LRRC4C: variants seen among roughly 807,000 people sequenced by gnomAD.
LRRC4C encodes the protein leucine-rich repeat-containing protein 4C.
In LRRC4C, 5 loss-of-function variants were observed where a neutral mutation model predicts 33.6. That is an observed-to-expected ratio of 0.15 (90% CI 0.08 to 0.31). The LOEUF (loss-of-function observed/expected upper bound fraction) is 0.31. Among genes scored for constraint, LRRC4C ranks in the 10% least tolerant of loss-of-function variants. LRRC4C has a pLI of 1.00. For missense variants in LRRC4C, 560 were observed against 796.7 expected, an observed-to-expected ratio of 0.70 and a Z score of 3.58; for synonymous variants, 329 against 302.0, an observed-to-expected ratio of 1.09 and a Z score of -0.93.
intron 1 of LRRC4C, among the ~76,000 whole-genome samples, chr11:41,012,829 C>T (rs116489347): frequency 7.8e-4 from 118 of 152,042 alleles, no homozygotes; most frequent in African/African-American, 2.8e-3. Flanking sequence ...GGCATTTCTC[C>T]GATGATTTGT....
intron 5 of LRRC4C, among the ~76,000 whole-genome samples, chr11:40,208,286 G>A (rs1169252183): frequency 2.0e-5 from 3 of 152,130 alleles, no homozygotes; most frequent in Non-Finnish European, 4.4e-5. Flanking sequence ...AATTGCAAAT[G>A]AAGACAAAGT....
At chr11:40,913,567 T>C (rs1357864103) in intron 2 of LRRC4C, among the ~76,000 whole-genome samples, 1 of 152,108 alleles carries the variant, frequency 6.6e-6, no homozygotes, top group East Asian at 1.9e-4. Flanking sequence ...GGGAAATTTA[T>C]AGCACTAAAT....
At chr11:40,657,502 C>G (rs1053552028) in intron 2 of LRRC4C, among the ~76,000 whole-genome samples, 1 of 152,168 alleles carries the variant, frequency 6.6e-6, no homozygotes, top group Non-Finnish European at 1.5e-5. Flanking sequence ...ATTCAGTTAT[C>G]TCTCTGCTCA....
intron 2 of LRRC4C, among the ~76,000 whole-genome samples, chr11:40,917,550 G>A (rs1166973007): frequency 1.3e-5 from 2 of 152,060 alleles, no homozygotes; most frequent in Non-Finnish European, 2.9e-5. Context: ...TATAACAACA[G>A]ACACAACAGA....
At chr11:40,620,216 C>T (rs1273913020) in intron 3 of LRRC4C, among the ~76,000 whole-genome samples, 1 of 151,608 alleles carries the variant, frequency 6.6e-6, no homozygotes, top group African/African-American at 2.4e-5. Context: ...GTGACCTCTT[C>T]TATGCTTTCC....
chr11:41,320,072 A>G (rs1467970876), intron 1 of LRRC4C, among the ~76,000 whole-genome samples: 1 of 152,224 alleles, frequency 6.6e-6, no homozygotes, highest in African/African-American at 2.4e-5. Flanking sequence ...GACTATGGTA[A>G]CCAATCTGTC....
chr11:41,318,753 TTG>T (rs1006710758), intron 1 of LRRC4C, among the ~76,000 whole-genome samples: 3 of 152,226 alleles, frequency 2.0e-5, no homozygotes, highest in Admixed American at 6.5e-5. Flanking sequence ...GTGTCTGTGT[TTG>T]TGTGTTTATT....
chr11:40,556,633 T>C (rs1957343548), intron 3 of LRRC4C, among the ~76,000 whole-genome samples: 1 of 152,176 alleles, frequency 6.6e-6, no homozygotes, highest in South Asian at 2.1e-4. Context: ...GTGGATGATC[T>C]ACCAGGCAGT....
intron 1 of LRRC4C, among the ~76,000 whole-genome samples, chr11:41,417,357 T>G (rs1591472946): frequency 6.6e-6 from 1 of 152,190 alleles, no homozygotes; most frequent in Non-Finnish European, 1.5e-5. Flanking sequence ...TTGACCTAAA[T>G]AAAAGTTGAC....
At chr11:40,956,974 C>T (rs2136807424) in intron 1 of LRRC4C, among the ~76,000 whole-genome samples, 1 of 151,832 alleles carries the variant, frequency 6.6e-6, no homozygotes, top group Admixed American at 6.6e-5. Flanking sequence ...AACTCAGAGG[C>T]AAAGTTTAAT....
At chr11:40,500,836 T>C (rs1473981357) in intron 3 of LRRC4C, among the ~76,000 whole-genome samples, 1 of 151,836 alleles carries the variant, frequency 6.6e-6, no homozygotes, top group African/African-American at 2.4e-5. Flanking sequence ...TTCCCAACAG[T>C]CCCCCAAAGT....
chr11:40,514,817 A>G (rs909890542), intron 3 of LRRC4C, among the ~76,000 whole-genome samples: 1 of 152,160 alleles, frequency 6.6e-6, no homozygotes, highest in Non-Finnish European at 1.5e-5. Flanking sequence ...TGAGAAGTTA[A>G]TTGTTGGCAA....
chr11:41,189,762 G>A (rs990402429), intron 1 of LRRC4C, among the ~76,000 whole-genome samples: 35 of 152,140 alleles, frequency 2.3e-4, no homozygotes, highest in African/African-American at 8.2e-4. Flanking sequence ...TGAAGACAAA[G>A]GTGCAATGAG....
At chr11:40,155,251 A>G (rs1858586823) in intron 5 of LRRC4C, among the ~76,000 whole-genome samples, 1 of 152,140 alleles carries the variant, frequency 6.6e-6, no homozygotes, top group African/African-American at 2.4e-5. Flanking sequence ...CCCACATCAA[A>G]AACTCTGAAA....
chr11:40,919,520 T>A lies in LRRC4C; in HGVS notation c.-407+14115A>T, dbSNP rs560227741. Among the ~76,000 whole-genome samples the A allele has an allele frequency of 2.0e-5, 3 of 152,248 alleles. No homozygotes were observed. In the East Asian group the frequency reaches 5.8e-4, roughly 29 times the overall value. On this transcript the variant is annotated intron_variant, in intron 2 of 6. Coordinates refer to ENST00000528697, the MANE Select transcript of LRRC4C (RefSeq NM_001258419.2). Reference sequence around the variant, plus strand: ...TTATTTAAACTGGTCTCTCAGCTATTCTTTCTAACCCATCATTTGGCTTAT... The same window carrying A: ...TTATTTAAACTGGTCTCTCAGCTATACTTTCTAACCCATCATTTGGCTTAT...
chr11:41,285,496 C>A (rs1020813912), intron 1 of LRRC4C, among the ~76,000 whole-genome samples: 4 of 152,104 alleles, frequency 2.6e-5, no homozygotes, highest in African/African-American at 9.7e-5. Flanking sequence ...AAGCTAACAG[C>A]CTAGTAGGGA....
chr11:41,268,215 G>A (rs1020516252), intron 1 of LRRC4C, among the ~76,000 whole-genome samples: 1 of 152,086 alleles, frequency 6.6e-6, no homozygotes, highest in African/African-American at 2.4e-5. Flanking sequence ...GGCCTGCCAT[G>A]CTCTGGAGTC....
At chr11:40,748,682 T>C (rs1356645664) in intron 2 of LRRC4C, among the ~76,000 whole-genome samples, 1 of 151,978 alleles carries the variant, frequency 6.6e-6, no homozygotes, top group African/African-American at 2.4e-5. Context: ...TTAAAAGACA[T>C]AGATTGGCAA....
chr11:41,126,286 A>G (rs1156412652), intron 1 of LRRC4C, among the ~76,000 whole-genome samples: 1 of 151,948 alleles, frequency 6.6e-6, no homozygotes, highest in Non-Finnish European at 1.5e-5. Context: ...ATAAAGATTA[A>G]TTGGAAAATA....
Sources: allele counts gnomAD v4.1 joint callset (sites outside exome capture counted in the v4.1 genomes callset), GRCh38; gene constraint gnomAD v4.1.1; transcripts MANE v1.5; gene names NCBI Gene and HGNC (gene_info 2026-07-23, HGNC 2026-07-21).